The following ODF4 variants were observed in gnomAD, a reference collection of about 807,000 sequenced individuals.
ODF4 encodes outer dense fiber of sperm tails 4.
Under a neutral mutation model 17.0 loss-of-function variants are expected in ODF4, and 11 were observed. The ratio of observed to expected loss-of-function variants is 0.65; its 90% CI spans 0.41 to 1.07. The LOEUF is 1.07. ODF4 is among the 50% of genes least tolerant of loss of function. ODF4 has a pLI of 0.00. For missense variants in ODF4, 281 were observed against 310.2 expected, an observed-to-expected ratio of 0.91 and a Z score of 0.71; for synonymous variants, 127 against 121.8, an observed-to-expected ratio of 1.04 and a Z score of -0.28.
At chr17:8,343,635 T>A (rs1209738232) in intron 1 of ODF4, among the ~76,000 whole-genome samples, 1 of 127,548 alleles carries the variant, frequency 7.8e-6, no homozygotes, top group Non-Finnish European at 1.7e-5. Flanking sequence ...CATACTCTCC[T>A]ATACTAGGTG....
intron 1 of ODF4, among the ~76,000 whole-genome samples, chr17:8,342,822 G>C (rs61691463): frequency 0.32 from 48,664 of 151,734 alleles, 7,809 homozygotes; most frequent in Middle Eastern, 0.38. Flanking sequence ...GCCTCAAACT[G>C]CTGGGCCCAA....
intron 1 of ODF4, among the ~76,000 whole-genome samples, chr17:8,341,938 A>T (rs1906038319): frequency 6.6e-6 from 1 of 152,116 alleles, no homozygotes; most frequent in African/African-American, 2.4e-5. Context: ...TTTATTGTAC[A>T]CTTACTCCAT....
In ODF4 at chr17:8,340,471, A is replaced by G. The variant is rs778950370; in HGVS notation, c.420A>G (p.Lys140=). 4 of 1,612,562 alleles carry G rather than the reference A, an allele frequency of 2.5e-6. No homozygotes were observed. The highest frequency in any genetic ancestry group is 1.7e-5 in the Admixed American group (1 of 59,980). Residue 140 remains lysine (K), a synonymous_variant, in exon 1 of 3, where the codon AAA becomes AAG. Coordinates refer to ENST00000328248, the MANE Select transcript of ODF4 (RefSeq NM_153007.5). The stretch of plus-strand genomic sequence containing the variant: ...CCATGGGGCTCCTGCACTTTTACAA[A>G]TCCAGGAGCTGTTCTGACTTAGAGA... ...VMSMGLLHFY[K]SRSCSDLENG...
Position 8,342,159 on chromosome 17 carries a change from A to G in ODF4, c.454+1654A>G, listed in dbSNP as rs530248552. Among the ~76,000 whole-genome samples, 218 of 152,300 alleles carry G rather than the reference A, an allele frequency of 1.4e-3. 5 individuals are homozygous for G. In the Middle Eastern group the frequency reaches 0.02, roughly 14 times the overall value. On this transcript the variant is annotated intron_variant, in intron 1 of 2. Coordinates refer to ENST00000328248, the MANE Select transcript of ODF4 (RefSeq NM_153007.5). Reference sequence around the variant, plus strand: ...TCAACCTAATAATGGCAGGGTTGGAATTGCAACTCAGGTGTGCCTGGCTCT... The same window carrying G: ...TCAACCTAATAATGGCAGGGTTGGAGTTGCAACTCAGGTGTGCCTGGCTCT...
chr17:8,344,898 C>T, intron 1 of ODF4: 2 of 993,142 alleles, frequency 2.0e-6, no homozygotes, highest in Non-Finnish European at 2.4e-6. Context: ...GGACAATCAG[C>T]CCATGTTTAA....
In ODF4 at chr17:8,345,461, C is replaced by A. The variant is rs771122013; in HGVS notation, c.573C>A (p.Ile191=). The change falls in exon 2 of 3, where the codon ATC becomes ATA. Residue 191 remains isoleucine, a synonymous_variant. Coordinates refer to ENST00000328248, the MANE Select transcript of ODF4 (RefSeq NM_153007.5). The surrounding 1 kb of genome is among the most constrained non-coding windows in gnomAD (Gnocchi z 4.1). ...ATTTCATTGGTTGGCTGGTGCTTAT[C>A]CTATACTTCACCTGCGGTGAGTGGC... ...WSYFIGWLVL[I]LYFTCAILCY... is the part of the protein sequence containing the mutation. The A allele has an allele frequency of 6.8e-6, 11 of 1,613,994 alleles. No individual in the cohort carries two copies. The African/African-American group carries it at 1.3e-4, about 20-fold the overall frequency.
In ODF4 at chr17:8,345,242, G is replaced by A. The variant is rs1483839522; in HGVS notation, c.455-101G>A. The A allele has an allele frequency of 9.0e-7, 1 of 1,113,324 alleles. No homozygotes were observed. Among genetic ancestry groups the A allele is most frequent in the Non-Finnish European group, 1.3e-6 (1 of 757,592 alleles). 69.0% of individuals were successfully genotyped at this position (1,113,324 alleles called of 1,614,324 possible). On this transcript the variant is annotated intron_variant, in intron 1 of 2. Transcript: ENST00000328248. The surrounding 1 kb of genome is among the most constrained non-coding windows in gnomAD (Gnocchi z 4.1). ...CTGGAACCTCAGGGCCAGTCACTCT[G>A]TGTGTGGTGATGTGGTTTGTGGCTG... is the stretch of plus-strand genomic sequence containing the variant.
In ODF4 at chr17:8,345,495, C is replaced by G. The variant is rs113816845; in HGVS notation, c.589+18C>G. The G allele has an allele frequency of 6.2e-7, 1 of 1,612,828 alleles. No homozygotes were observed. Among genetic ancestry groups the G allele is most frequent in the African/African-American group, 1.3e-5 (1 of 74,864 alleles). Reference sequence around the variant, plus strand: ...CACCTGCGGTGAGTGGCCAGAGGGCCCTGGGGGAAGGAAGCGACATGGGTA... The same window carrying G: ...CACCTGCGGTGAGTGGCCAGAGGGCGCTGGGGGAAGGAAGCGACATGGGTA... On this transcript the variant is annotated intron_variant, in intron 2 of 2. Transcript: ENST00000328248. The surrounding 1 kb of genome is among the most constrained non-coding windows in gnomAD (Gnocchi z 4.1).
rs750499239 is a variant in ODF4 at position 8,340,402 on chromosome 17, C to A, written c.351C>A (p.Pro117=). The change falls in exon 1 of 3, where the codon CCC becomes CCA. Residue 117 remains proline (P), a synonymous_variant. Coordinates refer to ENST00000328248, the MANE Select transcript of ODF4 (RefSeq NM_153007.5). ...GGAGCCTCTTCTACCAGCGCTGGCC[C>A]GTGGATGTCAGCAACAGAATCCACA... The part of the protein sequence containing the change: ...LSRSLFYQRW[P]VDVSNRIHTS... 1.9e-6 allele frequency: 3 copies of A among 1,613,422 alleles called. No homozygotes were observed. The highest frequency in any genetic ancestry group is 2.5e-6 in the Non-Finnish European group (3 of 1,179,466).
chr17:8,342,673 C>A (rs1425789074), intron 1 of ODF4, among the ~76,000 whole-genome samples: 1 of 152,156 alleles, frequency 6.6e-6, no homozygotes, highest in East Asian at 1.9e-4. Flanking sequence ...TCCAGTCTCC[C>A]TCCCTAGTTT....
At position 8,339,963 on chromosome 17, in the gene ODF4, T is replaced by G; in HGVS notation, c.-89T>G. The G allele has an allele frequency of 1.3e-6, 1 of 775,892 alleles. No homozygotes were observed. The highest frequency in any genetic ancestry group is 2.0e-6 in the Non-Finnish European group (1 of 491,516). The allele number at this position is 775,892 out of a possible 1,614,324, so 48.1% of individuals were successfully genotyped here. On this transcript the variant is annotated 5_prime_UTR_variant, in exon 1 of 3. Coordinates refer to ENST00000328248, the MANE Select transcript of ODF4 (RefSeq NM_153007.5). ...CTTTCTCAGACCTCAGGCTGCATGG[T>G]GGCAGCTGATGAAAATATCCAAAAG... is the stretch of plus-strand genomic sequence containing the variant.
At position 8,340,429 on chromosome 17, in the gene ODF4, A is replaced by G. The variant is rs1905963719; in HGVS notation, c.378A>G (p.Thr126=). ...WPVDVSNRIH[T]SAHVMSMGLL... is the part of the protein sequence containing the mutation. ...TGGATGTCAGCAACAGAATCCACAC[A>G]TCAGCCCACGTTATGTCCATGGGGC... Residue 126 remains threonine (T), a synonymous_variant, in exon 1 of 3, where the codon ACA becomes ACG. Transcript: ENST00000328248. The G allele has an allele frequency of 6.2e-7, 1 of 1,613,798 alleles. No homozygotes were observed. Among genetic ancestry groups the G allele is most frequent in the African/African-American group, 1.3e-5 (1 of 74,900 alleles).
Position 8,340,274 on chromosome 17 carries a change from A to G in ODF4, c.223A>G (p.Ser75Gly), listed in dbSNP as rs1567687150. ...GCCCTTTCAATGGAGAATCACACAC[A>G]GCTTCCGCTGGATGGCCCAGGTGTT... ...PLPFQWRITHSFRWMAQVLAS... is the reference protein window; with the variant it reads ...PLPFQWRITHGFRWMAQVLAS... The change falls in exon 1 of 3, where the codon AGC (serine) becomes GGC (glycine). Residue 75 changes from serine to glycine, a missense_variant. Coordinates refer to ENST00000328248, the MANE Select transcript of ODF4 (RefSeq NM_153007.5). The G allele has an allele frequency of 3.1e-6, 5 of 1,614,130 alleles. No homozygotes were observed. The highest frequency in any genetic ancestry group is 4.2e-6 in the Non-Finnish European group (5 of 1,179,996).
chr17:8,345,429 T>C lies in ODF4; in HGVS notation c.541T>C (p.Trp181Arg). The change falls in exon 2 of 3, where the codon TGG becomes CGG. Residue 181 changes from tryptophan to arginine, a missense_variant. By Grantham distance (101) the Trp-to-Arg change is moderately radical (BLOSUM62 -3). Transcript: ENST00000328248. The surrounding 1 kb of genome is among the most constrained non-coding windows in gnomAD (Gnocchi z 4.1). ...AAGGAATGTATCCATCCCCATAGGC[T>C]GGAGCTATTTCATTGGTTGGCTGGT... The part of the protein sequence containing the change: ...LERNVSIPIG[W>R]SYFIGWLVLI... The C allele has an allele frequency of 4.3e-6, 7 of 1,613,894 alleles. No homozygotes were observed. Among genetic ancestry groups the C allele is most frequent in the Non-Finnish European group, 5.9e-6 (7 of 1,179,786 alleles).
At position 8,345,618 on chromosome 17, in the gene ODF4, T is replaced by G; in HGVS notation, c.590-50T>G. The G allele has an allele frequency of 6.4e-7, 1 of 1,570,560 alleles. No homozygotes were observed. Among genetic ancestry groups the G allele is most frequent in the Non-Finnish European group, 8.7e-7 (1 of 1,143,798 alleles). The stretch of plus-strand genomic sequence containing the variant: ...CCTTTGGTCTCACCCTACTTGTCAC[T>G]TAACCTCCCAGTCACAACTTTCCTC... On this transcript the variant is annotated intron_variant, in intron 2 of 2. Coordinates refer to ENST00000328248, the MANE Select transcript of ODF4 (RefSeq NM_153007.5). The surrounding 1 kb of genome is among the most constrained non-coding windows in gnomAD (Gnocchi z 4.1).
chr17:8,340,899 A>G, intron 1 of ODF4, among the ~76,000 whole-genome samples: 1 of 151,560 alleles, frequency 6.6e-6, no homozygotes, highest in East Asian at 1.9e-4. Flanking sequence ...AAAAAAAAAA[A>G]AAAATCAGGC....
At chr17:8,341,278 G>A (rs1338697936) in intron 1 of ODF4, among the ~76,000 whole-genome samples, 1 of 152,092 alleles carries the variant, frequency 6.6e-6, no homozygotes, top group East Asian at 1.9e-4. Flanking sequence ...AAGAGCCCCA[G>A]TGAGATGGGG....
At position 8,340,174 on chromosome 17, in the gene ODF4, A is replaced by G. The variant is rs1905948297; in HGVS notation, c.123A>G (p.Gln41=). The G allele has an allele frequency of 1.9e-6, 3 of 1,602,158 alleles. No individual in the cohort carries two copies. Among genetic ancestry groups the G allele is most frequent in the African/African-American group, 1.3e-5 (1 of 74,752 alleles). The change falls in exon 1 of 3, where the codon CAA becomes CAG. Residue 41 remains glutamine (Q), a synonymous_variant. Coordinates refer to ENST00000328248, the MANE Select transcript of ODF4 (RefSeq NM_153007.5). ...EAGWGTGELG[Q]DGRLLSSTLS... ...GATGGGGCACAGGTGAGCTGGGACA[A>G]GATGGGAGACTGCTGTCCTCCACCC...
chr17:8,345,510 C>A lies in ODF4; in HGVS notation c.589+33C>A, dbSNP rs766241322. The A allele has an allele frequency of 1.2e-6, 2 of 1,609,844 alleles. No homozygotes were observed. The highest frequency in any genetic ancestry group is 3.3e-5 in the Admixed American group (2 of 59,718). ...GCCAGAGGGCCCTGGGGGAAGGAAG[C>A]GACATGGGTAGGGTAGGGCAGGGAA... is the stretch of plus-strand genomic sequence containing the variant. On this transcript the variant is annotated intron_variant, in intron 2 of 2. Coordinates refer to ENST00000328248, the MANE Select transcript of ODF4 (RefSeq NM_153007.5). This position sits in a 1 kb window ranked among gnomAD's most constrained non-coding sequence, Gnocchi z 4.1.
Sources: gnomAD v4.1 joint callset for allele counts (sites outside exome capture counted in the v4.1 genomes callset) on GRCh38, gnomAD v4.1.1 for gene constraint, Gnocchi (gnomAD v3.1) non-coding constraint, MANE v1.5 for transcripts, NCBI Gene and HGNC (gene_info 2026-07-23, HGNC 2026-07-21) for gene names.